Variants in KIF16B observed in about 807,000 individuals in gnomAD.
The protein encoded by KIF16B is kinesin family member 16B, also known as kinesin-like protein KIF16B.
Under a neutral mutation model 156.3 loss-of-function variants are expected in KIF16B, and 98 were observed. The observed-to-expected ratio is 0.63, with a 90% confidence interval of 0.53 to 0.74. The LOEUF (loss-of-function observed/expected upper bound fraction) is 0.74. KIF16B is among the 30% of genes least tolerant of loss of function. The probability of loss-of-function intolerance (pLI) is 0.00; values close to 1 mark genes in which losing one functional copy is unlikely to be tolerated. For missense variants in KIF16B, 1,421 were observed against 1,606.5 expected (o/e 0.88, Z 1.97); for synonymous variants, 564 against 583.7 (o/e 0.97, Z 0.49).
chr20:16,367,232 G>A (rs2064688421), intron 22 of KIF16B: 2 of 1,612,726 alleles, frequency 1.2e-6, no homozygotes, highest in Admixed American at 1.7e-5. Context: ...GCGACATTCT[G>A]ACTGCCTTGA....
intron 5 of KIF16B, 53 bp downstream of exon 5, chr20:16,512,773 C>T: frequency 1.6e-6 from 2 of 1,247,116 alleles, no homozygotes; most frequent in Non-Finnish European, 2.4e-6. Context: ...GCAGGCCAAC[C>T]AGCATTGACT....
intron 3 of KIF16B, among the ~76,000 whole-genome samples, chr20:16,524,919 C>T (rs6044069): frequency 0.24 from 36,275 of 152,088 alleles, 4,954 homozygotes; most frequent in East Asian, 0.34. Flanking sequence ...AGCAAACCAA[C>T]ACAGGAACAG....
At chr20:16,547,785 T>C (rs571411494) in intron 1 of KIF16B, among the ~76,000 whole-genome samples, 1 of 152,200 alleles carries the variant, frequency 6.6e-6, no homozygotes, top group Non-Finnish European at 1.5e-5. Context: ...GGGCATCAAC[T>C]GAAGGCAAGC....
At chr20:16,280,891 A>G in intron 25 of KIF16B, among the ~76,000 whole-genome samples, 1 of 139,064 alleles carries the variant, frequency 7.2e-6, no homozygotes, top group Non-Finnish European at 1.6e-5. Flanking sequence ...AAGCATGAGA[A>G]TTTGGGCCTT....
At chr20:16,359,863 G>C (rs1162956230) in intron 22 of KIF16B, among the ~76,000 whole-genome samples, 1 of 152,148 alleles carries the variant, frequency 6.6e-6, no homozygotes, top group Non-Finnish European at 1.5e-5. Flanking sequence ...GGACCAGACA[G>C]TGAAGCATAA....
At chr20:16,502,425 T>C (rs886502676) in intron 10 of KIF16B, among the ~76,000 whole-genome samples, 2 of 152,338 alleles carry the variant, frequency 1.3e-5, no homozygotes, top group Middle Eastern at 3.4e-3. Flanking sequence ...TACAGCTTCA[T>C]AGCACGATAA....
At chr20:16,541,642 C>A (rs1400299752) in intron 1 of KIF16B, among the ~76,000 whole-genome samples, 2 of 152,200 alleles carry the variant, frequency 1.3e-5, no homozygotes, top group African/African-American at 4.8e-5. Flanking sequence ...TTACGGTTTA[C>A]AGGTTGGGAT....
intron 25 of KIF16B, among the ~76,000 whole-genome samples, chr20:16,301,617 A>G (rs975684808): frequency 6.6e-6 from 1 of 151,968 alleles, no homozygotes; most frequent in Non-Finnish European, 1.5e-5. Context: ...TGCCTTCTGT[A>G]TATCTTCTTT....
At chr20:16,273,484 A>G in intron 25 of KIF16B, 73 bp from the exon 26 acceptor site, 1 of 1,260,288 alleles carries the variant, frequency 7.9e-7, no homozygotes, top group South Asian at 1.2e-5. Context: ...TGAGCTCAGG[A>G]GTTTGAGACC....
chr20:16,278,805 C>T (rs1426105079), intron 25 of KIF16B, among the ~76,000 whole-genome samples: 3 of 152,178 alleles, frequency 2.0e-5, no homozygotes, highest in South Asian at 2.1e-4. Context: ...CCACAGCACC[C>T]GCCATCCCCT....
At chr20:16,304,229 T>C (rs1406976650) in intron 25 of KIF16B, among the ~76,000 whole-genome samples, 1 of 152,236 alleles carries the variant, frequency 6.6e-6, no homozygotes, top group Non-Finnish European at 1.5e-5. Context: ...TTACACCAAT[T>C]ACTGCTCATG....
In KIF16B at chr20:16,503,289, C is replaced by A. The variant is rs191108965; in HGVS notation, c.1176+1083G>T. On this transcript the variant is annotated intron_variant, in intron 10 of 25. Coordinates refer to ENST00000354981, the MANE Select transcript of KIF16B (RefSeq NM_024704.5). The stretch of plus-strand genomic sequence containing the variant: ...ACTATTGTGGTTCATGTTATAAGGG[C>A]CTCATCACGTGGAGCTGGACTCTTC... 2.4e-3 allele frequency among the ~76,000 whole-genome samples: 361 copies of A among 152,270 alleles called. 2 individuals are homozygous for A. Among genetic ancestry groups the A allele is most frequent in the Non-Finnish European group, 1.6e-3 (110 of 68,020 alleles).
At chr20:16,288,987 C>T (rs1039742841) in intron 25 of KIF16B, among the ~76,000 whole-genome samples, 1 of 147,028 alleles carries the variant, frequency 6.8e-6, no homozygotes, top group Admixed American at 6.8e-5. Flanking sequence ...TGATGGGATC[C>T]CAATAAACCC....
At chr20:16,436,846 A>G (rs564092012) in intron 12 of KIF16B, among the ~76,000 whole-genome samples, 6 of 152,322 alleles carry the variant, frequency 3.9e-5, no homozygotes, top group Non-Finnish European at 8.8e-5. Flanking sequence ...AAAAGGAAGG[A>G]TGAAAACAGC....
At chr20:16,466,000 G>A (rs977501041) in intron 12 of KIF16B, among the ~76,000 whole-genome samples, 2 of 152,168 alleles carry the variant, frequency 1.3e-5, no homozygotes, top group Non-Finnish European at 2.9e-5. Flanking sequence ...TACAAAGGGT[G>A]ATGTCTAACC....
chr20:16,351,347 T>C (rs899004761), intron 23 of KIF16B, among the ~76,000 whole-genome samples: 4 of 152,196 alleles, frequency 2.6e-5, no homozygotes, highest in African/African-American at 9.7e-5. Flanking sequence ...GCCCGTGTTT[T>C]GTGCTATGCT....
At chr20:16,504,878 TAAGTAGGA>T (rs2068728535) in intron 9 of KIF16B, among the ~76,000 whole-genome samples, 1 of 152,078 alleles carries the variant, frequency 6.6e-6, no homozygotes, top group Admixed American at 6.6e-5. Context: ...ATCTCAACAT[TAAGTAGGA>T]ATTCAAATAC....
At chr20:16,556,234 A>T (rs2070842553) in intron 1 of KIF16B, among the ~76,000 whole-genome samples, 1 of 152,186 alleles carries the variant, frequency 6.6e-6, no homozygotes, top group Non-Finnish European at 1.5e-5. Flanking sequence ...GATCAGCCTC[A>T]CCAAAAACAA....
At chr20:16,421,414 A>T (rs920792109) in intron 15 of KIF16B, among the ~76,000 whole-genome samples, 16 of 152,122 alleles carry the variant, frequency 1.1e-4, no homozygotes, top group African/African-American at 3.9e-4. Context: ...GGTAAACACT[A>T]TTCTGATATA....
Sources: gnomAD v4.1 joint callset for allele counts (sites outside exome capture counted in the v4.1 genomes callset) on GRCh38, gnomAD v4.1.1 for gene constraint, MANE v1.5 for transcripts, NCBI Gene and HGNC (gene_info 2026-07-23, HGNC 2026-07-21) for gene names.